GALNTL6: variants seen among roughly 807,000 people sequenced by gnomAD.
GALNTL6 encodes polypeptide N-acetylgalactosaminyltransferase like 6.
A neutral mutation model predicts 73.7 loss-of-function variants in GALNTL6; 46 were observed. The ratio of observed to expected loss-of-function variants is 0.62; its 90% confidence interval spans 0.49 to 0.80. The LOEUF is 0.80. Ranked by LOEUF, GALNTL6 falls within the 30% of genes least tolerant of loss-of-function variation. The pLI, the probability that GALNTL6 is intolerant of heterozygous loss-of-function variation, is 0.00. For synonymous variants in GALNTL6, 259 were observed against 263.7 expected (o/e 0.98, Z 0.17); for missense variants, 604 against 755.0 (o/e 0.80, Z 2.34).
chr4:172,346,155 G>A lies in GALNTL6; in HGVS notation c.387-2368G>A, dbSNP rs557762110. ...ATCTGCTAGAGCTTATCTCTCATGA[G>A]CCTGTTCCTCCAGCAAAATAGATTT... is the stretch of plus-strand genomic sequence containing the variant. On this transcript the variant is annotated intron_variant, in intron 4 of 12. Transcript: ENST00000506823. Among the ~76,000 whole-genome samples the A allele has an allele frequency of 2.6e-5, 4 of 152,266 alleles. No homozygotes were observed. The East Asian group carries it at 7.7e-4, about 29-fold the overall frequency.
At position 172,176,437 on chromosome 4, in the gene GALNTL6, GA is replaced by G. The variant is rs1171442532; in HGVS notation, c.139-53214del. On this transcript the variant is annotated intron_variant, in intron 2 of 12. Transcript: ENST00000506823. ...AGTGTACTTAGTAAATGGATTATTTGAAAAATAAGTGAAGACTTTAAATACT... is the reference window on the plus strand; with the variant it reads ...AGTGTACTTAGTAAATGGATTATTTGAAAATAAGTGAAGACTTTAAATACT... Among the ~76,000 whole-genome samples, 4 of 149,640 alleles carry G rather than the reference GA, an allele frequency of 2.7e-5. No homozygotes were observed. In the East Asian group the frequency reaches 8.1e-4, roughly 30 times the overall value.
intron 2 of GALNTL6, among the ~76,000 whole-genome samples, chr4:171,902,503 G>C (rs886603214): frequency 1.2e-4 from 18 of 152,154 alleles, no homozygotes; most frequent in Admixed American, 6.5e-5. Flanking sequence ...AAAGCAAGGA[G>C]AATCAACAAT....
chr4:172,161,808 A>G (rs1161352903), intron 2 of GALNTL6, among the ~76,000 whole-genome samples: 1 of 152,072 alleles, frequency 6.6e-6, no homozygotes, highest in Non-Finnish European at 1.5e-5. Context: ...GAATATGATC[A>G]GAGTGCTATG....
At chr4:172,616,329 T>C (rs1259280849) in intron 5 of GALNTL6, among the ~76,000 whole-genome samples, 1 of 152,162 alleles carries the variant, frequency 6.6e-6, no homozygotes, top group East Asian at 1.9e-4. Context: ...CCCCTTTTTT[T>C]GTCTTATTTG....
At chr4:172,702,559 C>T (rs760351218) in intron 5 of GALNTL6, among the ~76,000 whole-genome samples, 1 of 151,352 alleles carries the variant, frequency 6.6e-6, no homozygotes, top group South Asian at 2.1e-4. Context: ...TGGGGCGGGA[C>T]CTTTGGGAAG....
intron 5 of GALNTL6, among the ~76,000 whole-genome samples, chr4:172,649,146 A>C (rs1740369446): frequency 6.6e-6 from 1 of 152,184 alleles, no homozygotes; most frequent in Admixed American, 6.5e-5. Context: ...CCTTATATTC[A>C]AATCCATATG....
chr4:172,695,575 A>C (rs1733632913), intron 5 of GALNTL6, among the ~76,000 whole-genome samples: 1 of 152,080 alleles, frequency 6.6e-6, no homozygotes. Flanking sequence ...TCTCCCTGAG[A>C]TTTCTCTCAT....
At chr4:172,771,617 TC>T (rs1738766804) in intron 5 of GALNTL6, among the ~76,000 whole-genome samples, 1 of 152,212 alleles carries the variant, frequency 6.6e-6, no homozygotes, top group Non-Finnish European at 1.5e-5. Context: ...ATCATCGTTT[TC>T]TCTGGGAAGT....
intron 5 of GALNTL6, among the ~76,000 whole-genome samples, chr4:172,556,041 T>G (rs1736129165): frequency 6.6e-6 from 1 of 152,124 alleles, no homozygotes; most frequent in African/African-American, 2.4e-5. Flanking sequence ...TATGTTAGGA[T>G]ACCTTCTGGC....
At chr4:171,914,720 A>C (rs1737567393) in intron 2 of GALNTL6, among the ~76,000 whole-genome samples, 1 of 151,490 alleles carries the variant, frequency 6.6e-6, no homozygotes, top group Admixed American at 6.6e-5. Flanking sequence ...CCGGCCAAAA[A>C]TGTACATATT....
chr4:172,190,258 C>T (rs897426916), intron 2 of GALNTL6, among the ~76,000 whole-genome samples: 4 of 152,022 alleles, frequency 2.6e-5, no homozygotes, highest in Non-Finnish European at 4.4e-5. Flanking sequence ...CTTTTAGGAC[C>T]TATTGAAGCT....
In GALNTL6 at chr4:172,556,941, A is replaced by G. The variant is rs117193522; in HGVS notation, c.553+208252A>G. Among the ~76,000 whole-genome samples, 20 of 152,238 alleles carry G rather than the reference A, an allele frequency of 1.3e-4. No individual in the cohort carries two copies. The East Asian group carries it at 3.9e-3, about 29-fold the overall frequency. ...TTGGACTAGACTATTAGGAAGTAGA[A>G]TGTCAAATGTCTTTTTCTATTATAG... On this transcript the variant is annotated intron_variant, in intron 5 of 12. Coordinates refer to ENST00000506823, the MANE Select transcript of GALNTL6 (RefSeq NM_001034845.3).
At chr4:172,580,722 GA>G (rs1286768343) in intron 5 of GALNTL6, among the ~76,000 whole-genome samples, 12 of 152,012 alleles carry the variant, frequency 7.9e-5, no homozygotes, top group Admixed American at 7.9e-4. Context: ...GGGAGAAACA[GA>G]AAAAAATACA....
intron 8 of GALNTL6, among the ~76,000 whole-genome samples, chr4:172,887,390 C>A (rs1416541325): frequency 6.6e-6 from 1 of 152,044 alleles, no homozygotes; most frequent in East Asian, 1.9e-4. Context: ...AACCAGCAAC[C>A]AACCCCAGCA....
chr4:172,603,322 A>G (rs963670134), intron 5 of GALNTL6, among the ~76,000 whole-genome samples: 2 of 152,212 alleles, frequency 1.3e-5, no homozygotes, highest in Non-Finnish European at 2.9e-5. Flanking sequence ...TAGCTCTTAC[A>G]AGTTCAAATA....
chr4:172,869,181 G>T (rs1744801951), intron 7 of GALNTL6, among the ~76,000 whole-genome samples: 1 of 152,138 alleles, frequency 6.6e-6, no homozygotes, highest in South Asian at 2.1e-4. Context: ...GGGGACAGAA[G>T]AATTCTACTG....
chr4:172,752,650 G>C (rs1275977126), intron 5 of GALNTL6, among the ~76,000 whole-genome samples: 2 of 151,904 alleles, frequency 1.3e-5, no homozygotes, highest in Admixed American at 1.3e-4. Context: ...TGAATAATTT[G>C]CTTGAAAAAT....
chr4:172,935,439 A>G (rs753907911), intron 9 of GALNTL6, among the ~76,000 whole-genome samples: 50 of 152,260 alleles, frequency 3.3e-4, no homozygotes, highest in Non-Finnish European at 6.5e-4. Context: ...TCAGAGCAGA[A>G]CTGAAGGAGA....
At chr4:172,359,750 G>C (rs1039188019) in intron 5 of GALNTL6, among the ~76,000 whole-genome samples, 1 of 152,124 alleles carries the variant, frequency 6.6e-6, no homozygotes, top group East Asian at 1.9e-4. Context: ...AAACATCTGG[G>C]GTTACCCCAT....
Sources: allele counts gnomAD v4.1 joint callset (sites outside exome capture counted in the v4.1 genomes callset), GRCh38; gene constraint gnomAD v4.1.1; transcripts MANE v1.5; gene names NCBI Gene and HGNC (gene_info 2026-07-23, HGNC 2026-07-21).